Variants in PELO observed in about 807,000 individuals in gnomAD.
The protein encoded by PELO is pelota mRNA surveillance and ribosome rescue factor.
A neutral mutation model predicts 25.9 loss-of-function variants in PELO; 19 were observed. That is an observed-to-expected ratio of 0.73 (90% CI 0.51 to 1.08). The LOEUF (loss-of-function observed/expected upper bound fraction) is 1.08. PELO is among the 50% of genes least tolerant of loss of function. PELO has a pLI of 0.00. For synonymous variants in PELO, 196 were observed against 192.2 expected (o/e 1.02, Z -0.16); for missense variants, 498 against 491.4 (o/e 1.01, Z -0.13).
chr5:52,789,673 C>T (rs1331621561), intron 1 of PELO, among the ~76,000 whole-genome samples: 1 of 152,206 alleles, frequency 6.6e-6, no homozygotes, highest in Non-Finnish European at 1.5e-5. Context: ...TTACCAGCTA[C>T]TGCCACTACT....
chr5:52,797,835 T>C (rs1438071751), intron 1 of PELO, among the ~76,000 whole-genome samples: 2 of 152,326 alleles, frequency 1.3e-5, no homozygotes, highest in Non-Finnish European at 1.5e-5. Context: ...AATTAGAGCA[T>C]AGGAAAGAAC....
At chr5:52,791,421 T>G (rs748804960) in intron 1 of PELO, among the ~76,000 whole-genome samples, 2 of 152,064 alleles carry the variant, frequency 1.3e-5, no homozygotes, top group Non-Finnish European at 2.9e-5. Context: ...GTTGTGGTCA[T>G]AAAAAGGAAT....
In PELO at chr5:52,800,112, G is replaced by C. The variant is rs1472658128; in HGVS notation, c.-283G>C. The C allele has an allele frequency of 2.5e-6, 1 of 397,608 alleles. No individual in the cohort carries two copies. Among genetic ancestry groups the C allele is most frequent in the Non-Finnish European group, 4.6e-6 (1 of 217,994 alleles). 24.6% of individuals were successfully genotyped at this position (397,608 alleles called of 1,614,324 possible). On this transcript the variant is annotated 5_prime_UTR_variant, in exon 2 of 3. Coordinates refer to ENST00000274311, the MANE Select transcript of PELO (RefSeq NM_015946.5). ...TGCGCCTTCATTTCGTCAGCCCGCT[G>C]TTGCGTGCTGCCAGCGGGAACTGTG...
At position 52,800,738 on chromosome 5, in the gene PELO, A is replaced by T; in HGVS notation, c.344A>T (p.Lys115Met). 1 of 1,614,222 alleles carries T rather than the reference A, an allele frequency of 6.2e-7. No homozygotes were observed. Among genetic ancestry groups the T allele is most frequent in the Non-Finnish European group, 8.5e-7 (1 of 1,180,042 alleles). The change falls in exon 2 of 3, where the codon AAG becomes ATG. Residue 115 changes from lysine to methionine, a missense_variant. Physicochemically the swap from Lys to Met is moderately conservative, Grantham distance 95. Transcript: ENST00000274311. Reference sequence around the variant, plus strand: ...AACCGCCAGTTCACCCTGGCCAAGAAGCAGTGGGATAGTGTGGTACTGGAG... The same window carrying T: ...AACCGCCAGTTCACCCTGGCCAAGATGCAGTGGGATAGTGTGGTACTGGAG... ...EPNRQFTLAK[K>M]QWDSVVLERI...
chr5:52,800,866 C>T lies in PELO; in HGVS notation c.472C>T (p.Leu158Phe). 1.2e-6 allele frequency: 2 copies of T among 1,611,038 alleles called. No individual in the cohort carries two copies. Among genetic ancestry groups the T allele is most frequent in the Non-Finnish European group, 8.5e-7 (1 of 1,178,052 alleles). Residue 158 changes from leucine to phenylalanine, a missense_variant, in exon 2 of 3, where the codon CTC becomes TTC. Leu to Phe is a conservative substitution (Grantham distance 22, BLOSUM62 0). Coordinates refer to ENST00000274311, the MANE Select transcript of PELO (RefSeq NM_015946.5). ...HICLVTPSMTLTRAKVEVNIP... is the reference protein window; with the variant it reads ...HICLVTPSMTFTRAKVEVNIP... The stretch of plus-strand genomic sequence containing the variant: ...CTGCTTAGTCACTCCCAGCATGACC[C>T]TCACTCGGGCCAAGGTGGAGGTGAA...
At chr5:52,792,882 G>C (rs965547674) in intron 1 of PELO, among the ~76,000 whole-genome samples, 2 of 152,260 alleles carry the variant, frequency 1.3e-5, no homozygotes, top group East Asian at 3.9e-4. Flanking sequence ...TCTGTGACTG[G>C]AGAATTGTAT....
At position 52,800,803 on chromosome 5, in the gene PELO, G is replaced by A. The variant is rs1277438220; in HGVS notation, c.409G>A (p.Val137Met). 6.2e-7 allele frequency: 1 copy of A among 1,612,292 alleles called. No individual in the cohort carries two copies. The highest frequency in any genetic ancestry group is 1.3e-5 in the African/African-American group (1 of 75,044). ...QACDPAWSAD[V>M]AAVVMQEGLA... ...CTGTGACCCAGCCTGGAGCGCTGATGTGGCGGCTGTGGTCATGCAGGAAGG... is the reference window on the plus strand; with the variant it reads ...CTGTGACCCAGCCTGGAGCGCTGATATGGCGGCTGTGGTCATGCAGGAAGG... The change falls in exon 2 of 3, where the codon GTG (valine) becomes ATG (methionine). Residue 137 changes from valine (V) to methionine (M), a missense_variant. Val to Met is a conservative substitution (Grantham distance 21). Transcript: ENST00000274311.
At position 52,802,705 on chromosome 5, in the gene PELO, G is replaced by C. The variant is rs1473768969; in HGVS notation, c.*865G>C. ...ATATTATTTATTTATTTTTTTGCTT[G>C]TCAAAGTTATACTTAATTCTGTTTT... On this transcript the variant is annotated 3_prime_UTR_variant, in exon 3 of 3. Transcript: ENST00000274311. 6 of 152,004 alleles carry C rather than the reference G, an allele frequency of 3.9e-5. No individual in the cohort carries two copies. Among genetic ancestry groups the C allele is most frequent in the African/African-American group, 1.4e-4 (6 of 41,386 alleles). 9.4% of individuals were successfully genotyped at this position (152,004 alleles called of 1,614,324 possible).
chr5:52,788,167 C>T lies in PELO; in HGVS notation c.-758C>T, dbSNP rs1165364997. The T allele has an allele frequency of 3.8e-5, 18 of 476,380 alleles. No individual in the cohort carries two copies. Among genetic ancestry groups the T allele is most frequent in the Non-Finnish European group, 6.0e-5 (16 of 268,592 alleles). The allele number at this position is 476,380 out of a possible 1,614,324, so 29.5% of individuals were successfully genotyped here. On this transcript the variant is annotated 5_prime_UTR_variant, in exon 1 of 3. Coordinates refer to ENST00000274311, the MANE Select transcript of PELO (RefSeq NM_015946.5). ...TCTGGGATGTGAAAAGCGTGGAGCG[C>T]ATTTAGAGGAATTCGACGAAAACAC...
chr5:52,800,929 G>C lies in PELO; in HGVS notation c.535G>C (p.Asp179His). 6.2e-7 allele frequency: 1 copy of C among 1,614,202 alleles called. No homozygotes were observed. The change falls in exon 2 of 3, where the codon GAC becomes CAC. Residue 179 changes from aspartate (D) to histidine (H), a missense_variant. Physicochemically the swap from Asp to His is moderately conservative, Grantham distance 81 (BLOSUM62 -1). Transcript: ENST00000274311. ...RKRKGNCSQH[D>H]RALERFYEQV... ...AAGGAAAGGCAATTGCTCTCAGCAT[G>C]ACCGGGCCTTGGAGCGGTTCTATGA... is the stretch of plus-strand genomic sequence containing the variant.
Position 52,800,380 on chromosome 5 carries a change from G to C in PELO, c.-15G>C. 6.2e-7 allele frequency: 1 copy of C among 1,613,408 alleles called. No individual in the cohort carries two copies. Among genetic ancestry groups the C allele is most frequent in the South Asian group, 1.1e-5 (1 of 91,016 alleles). ...TTGGTTCCTTTGGTTCTGTCAGTGA[G>C]CCCCTTCCTTGGCCATGAAGCTCGT... is the stretch of plus-strand genomic sequence containing the variant. On this transcript the variant is annotated 5_prime_UTR_variant, in exon 2 of 3. Coordinates refer to ENST00000274311, the MANE Select transcript of PELO (RefSeq NM_015946.5).
Position 52,802,552 on chromosome 5 carries a change from TCTC to T in PELO, c.*715_*717del, listed in dbSNP as rs1394010717. On this transcript the variant is annotated 3_prime_UTR_variant, in exon 3 of 3. Coordinates refer to ENST00000274311, the MANE Select transcript of PELO (RefSeq NM_015946.5). Reference sequence around the variant, plus strand: ...GATCTGCTAGGGATTGTCAAAATAATCTCCTTGAGGCATCTTTATTTTTAAAAT... The same window carrying T: ...GATCTGCTAGGGATTGTCAAAATAATCTTGAGGCATCTTTATTTTTAAAAT... 6.6e-5 allele frequency: 10 copies of T among 152,194 alleles called. No individual in the cohort carries two copies. Among genetic ancestry groups the T allele is most frequent in the African/African-American group, 2.4e-4 (10 of 41,448 alleles). 9.4% of individuals were successfully genotyped at this position (152,194 alleles called of 1,614,324 possible).
At chr5:52,790,633 C>T (rs1050604092) in intron 1 of PELO, among the ~76,000 whole-genome samples, 3 of 152,208 alleles carry the variant, frequency 2.0e-5, no homozygotes, top group African/African-American at 7.2e-5. Flanking sequence ...GCTTTATCAT[C>T]ACATCTCCTT....
Position 52,800,092 on chromosome 5 carries a change from C to T in PELO, c.-303C>T. The T allele has an allele frequency of 2.7e-6, 1 of 364,698 alleles. No homozygotes were observed. The allele number at this position is 364,698 out of a possible 1,614,324, so 22.6% of individuals were successfully genotyped here. ...CGCGGGACGGGGGCTGCGCATGCGC[C>T]TTCATTTCGTCAGCCCGCTGTTGCG... is the stretch of plus-strand genomic sequence containing the variant. On this transcript the variant is annotated 5_prime_UTR_variant, in exon 2 of 3. Transcript: ENST00000274311.
chr5:52,791,039 A>C (rs1038387548), intron 1 of PELO, among the ~76,000 whole-genome samples: 2 of 152,158 alleles, frequency 1.3e-5, no homozygotes, highest in Admixed American at 1.3e-4. Context: ...ACAACAAGCC[A>C]CCAGCATCCC....
At position 52,788,545 on chromosome 5, in the gene PELO, CTCAGGCCAGGCT is replaced by C; in HGVS notation, c.-511+132_-511+143del. On this transcript the variant is annotated intron_variant, in intron 1 of 2. Transcript: ENST00000274311. ...CATCCACTTTCGGGCATTCCAGGTA[CTCAGGCCAGGCT>C]ACGGGGCAGGCAGGAGTTTCGCGTT... 5 of 693,772 alleles carry C rather than the reference CTCAGGCCAGGCT, an allele frequency of 7.2e-6. No homozygotes were observed. The African/African-American group carries it at 9.5e-5, about 13-fold the overall frequency. The allele number at this position is 693,772 out of a possible 1,614,324, so 43.0% of individuals were successfully genotyped here.
intron 1 of PELO, among the ~76,000 whole-genome samples, chr5:52,795,384 A>T (rs1748321448): frequency 6.6e-6 from 1 of 151,964 alleles, no homozygotes; most frequent in Non-Finnish European, 1.5e-5. Context: ...GATGAAAACA[A>T]GAAAATTTAT....
chr5:52,801,756 G>T lies in PELO; in HGVS notation c.1074G>T (p.Gln358His), dbSNP rs1034529958. 1.9e-6 allele frequency: 3 copies of T among 1,614,024 alleles called. No individual in the cohort carries two copies. The African/African-American group carries it at 4.0e-5, about 22-fold the overall frequency. ...ACGTTTCTGGGGAACAGCTCAGCCA[G>T]TTGACTGGGGTAGCTGCCATTCTCC... The part of the protein sequence containing the change: ...SLHVSGEQLS[Q>H]LTGVAAILRF... Residue 358 changes from glutamine to histidine, a missense_variant, in exon 3 of 3, where the codon CAG becomes CAT. By Grantham distance (24) the Gln-to-His change is conservative. Transcript: ENST00000274311.
At chr5:52,798,379 T>C (rs1748387122) in intron 1 of PELO, among the ~76,000 whole-genome samples, 1 of 141,386 alleles carries the variant, frequency 7.1e-6, no homozygotes, top group Non-Finnish European at 1.5e-5. Context: ...GAGGGGACCT[T>C]TCCGTCCCCT....
Sources: allele counts gnomAD v4.1 joint callset (sites outside exome capture counted in the v4.1 genomes callset), GRCh38; gene constraint gnomAD v4.1.1; transcripts MANE v1.5; gene names NCBI Gene and HGNC (gene_info 2026-07-23, HGNC 2026-07-21).